BRINP1: variants seen among roughly 807,000 people sequenced by gnomAD.
BRINP1 encodes BMP/retinoic acid-inducible neural-specific protein 1.
BRINP1 carries 17 observed loss-of-function variants against 72.9 expected under a neutral mutation model. That is an observed-to-expected ratio of 0.23 (90% CI 0.16 to 0.35). The LOEUF (loss-of-function observed/expected upper bound fraction) is 0.35. BRINP1 is among the 10% of genes least tolerant of loss of function. The pLI is 1.00. For synonymous variants in BRINP1, 418 were observed against 378.5 expected (o/e 1.10, Z -1.21); for missense variants, 850 against 1,001.6 (o/e 0.85, Z 2.04).
intron 7 of BRINP1, among the ~76,000 whole-genome samples, chr9:119,176,040 T>A (rs1000659055): frequency 3.3e-5 from 5 of 152,178 alleles, no homozygotes; most frequent in African/African-American, 1.2e-4. Context: ...TTATATGAAT[T>A]TTTATGTGAA....
At chr9:119,218,664 G>A (rs1490552209) in intron 5 of BRINP1, among the ~76,000 whole-genome samples, 3 of 151,810 alleles carry the variant, frequency 2.0e-5, no homozygotes, top group Non-Finnish European at 4.4e-5. Flanking sequence ...CACACTCGAG[G>A]GTGACCTGGC....
At chr9:119,245,506 T>C (rs1588175893) in intron 3 of BRINP1, among the ~76,000 whole-genome samples, 1 of 152,272 alleles carries the variant, frequency 6.6e-6, no homozygotes, top group East Asian at 1.9e-4. Flanking sequence ...TCTATGCCTG[T>C]TTTCTTGTGT....
At chr9:119,168,883 G>A (rs1430059129) in intron 7 of BRINP1, among the ~76,000 whole-genome samples, 1 of 152,196 alleles carries the variant, frequency 6.6e-6, no homozygotes, top group Non-Finnish European at 1.5e-5. Context: ...CACTGTTGAT[G>A]TGAGTATAAG....
At chr9:119,229,314 C>T (rs1399495327) in intron 5 of BRINP1, among the ~76,000 whole-genome samples, 1 of 152,054 alleles carries the variant, frequency 6.6e-6, no homozygotes, top group Non-Finnish European at 1.5e-5. Context: ...TAATACCTAA[C>T]TTTTTTTAAT....
Position 119,332,738 on chromosome 9 carries a change from C to T in BRINP1, c.-50-19333G>A, listed in dbSNP as rs1019049304. On this transcript the variant is annotated intron_variant, in intron 1 of 7. Coordinates refer to ENST00000265922, the MANE Select transcript of BRINP1 (RefSeq NM_014618.3). ...TAGAGTAGAGCACCCCCCTTCCCCA[C>T]TGAACTGCAGGAGCAAGAGCAGCCC... Among the ~76,000 whole-genome samples, 7 of 152,294 alleles carry T rather than the reference C, an allele frequency of 4.6e-5. No individual in the cohort carries two copies. In the East Asian group the frequency reaches 7.7e-4, roughly 17 times the overall value.
intron 7 of BRINP1, among the ~76,000 whole-genome samples, chr9:119,169,775 T>G (rs1829378391): frequency 6.6e-6 from 1 of 152,202 alleles, no homozygotes; most frequent in Non-Finnish European, 1.5e-5. Context: ...AGCATGCAGC[T>G]GGAGATCTGA....
intron 1 of BRINP1, among the ~76,000 whole-genome samples, chr9:119,334,115 T>C (rs1027988153): frequency 1.3e-5 from 2 of 152,124 alleles, no homozygotes; most frequent in African/African-American, 4.8e-5. Flanking sequence ...CAGGAGGTAG[T>C]TAGATGAATG....
chr9:119,362,588 C>G (rs903272415), intron 1 of BRINP1, among the ~76,000 whole-genome samples: 1 of 152,190 alleles, frequency 6.6e-6, no homozygotes, highest in Admixed American at 6.5e-5. Flanking sequence ...ACAAGATATG[C>G]AATAAATATT....
chr9:119,231,189 T>C (rs1830146314), intron 5 of BRINP1, among the ~76,000 whole-genome samples: 1 of 152,084 alleles, frequency 6.6e-6, no homozygotes, highest in South Asian at 2.1e-4. Flanking sequence ...AAATCTATGA[T>C]AGGCAATCAA....
Position 119,355,656 on chromosome 9 carries a change from G to A in BRINP1, c.-51+13400C>T, listed in dbSNP as rs1853678. On this transcript the variant is annotated intron_variant, in intron 1 of 7. Transcript: ENST00000265922. ...AGGCAGGAGAATGGTGTGAACCTGG[G>A]AGGCGGAGCTTGCAGTGAGCTGAGA... 2.6e-5 allele frequency among the ~76,000 whole-genome samples: 4 copies of A among 151,240 alleles called. No homozygotes were observed. In the East Asian group the frequency reaches 5.8e-4, roughly 22 times the overall value.
chr9:119,237,346 CATTATT>C (rs34106507), intron 5 of BRINP1, among the ~76,000 whole-genome samples: 16,586 of 144,962 alleles, frequency 0.11, 1,218 homozygotes, highest in Admixed American at 0.24. Context: ...TTTCTTGCTA[CATTATT>C]ATTATTATTA....
chr9:119,252,147 C>T (rs549509194), intron 2 of BRINP1, among the ~76,000 whole-genome samples: 12 of 152,126 alleles, frequency 7.9e-5, no homozygotes, highest in African/African-American at 2.9e-4. Flanking sequence ...GAGACATCCA[C>T]ATGGCAAGGA....
In BRINP1 at chr9:119,168,085, C is replaced by T. The variant is rs752187321; in HGVS notation, c.1285G>A (p.Val429Met). The change falls in exon 8 of 8, where the codon GTG (valine) becomes ATG (methionine). Residue 429 changes from valine (V) to methionine (M), a missense_variant. Val to Met is a conservative substitution (Grantham distance 21). Coordinates refer to ENST00000265922, the MANE Select transcript of BRINP1 (RefSeq NM_014618.3). ...TTLCQRPIPC[V>M]IGGNNSCAMC... The stretch of plus-strand genomic sequence containing the variant: ...GCGCAGCTGTTGTTCCCGCCTATCA[C>T]GCAGGGGATGGGGCGCTGGCACAGC... 2.4e-5 allele frequency: 38 copies of T among 1,610,358 alleles called. No individual in the cohort carries two copies. Among genetic ancestry groups the T allele is most frequent in the Admixed American group, 3.4e-5 (2 of 59,590 alleles).
Position 119,208,792 on chromosome 9 carries a change from G to C in BRINP1, c.1072C>G (p.Arg358Gly). 1 of 1,614,194 alleles carries C rather than the reference G, an allele frequency of 6.2e-7. No individual in the cohort carries two copies. The highest frequency in any genetic ancestry group is 1.1e-5 in the South Asian group (1 of 91,076). The change falls in exon 7 of 8, where the codon CGC becomes GGC. Residue 358 changes from arginine (R) to glycine (G), a missense_variant. Coordinates refer to ENST00000265922, the MANE Select transcript of BRINP1 (RefSeq NM_014618.3). ...ATEAQRQKIQ[R>G]TARKLFGLSV... Reference sequence around the variant, plus strand: ...AGGCCGAAAAGCTTGCGGGCAGTGCGTTGGATCTTTTGTCTCTGTGCCTCC... The same window carrying C: ...AGGCCGAAAAGCTTGCGGGCAGTGCCTTGGATCTTTTGTCTCTGTGCCTCC...
chr9:119,318,842 G>GTGT (rs372831278), intron 1 of BRINP1, among the ~76,000 whole-genome samples: 13 of 53,862 alleles, frequency 2.4e-4, no homozygotes, highest in African/African-American at 5.6e-4. Flanking sequence ...AGAAATGTGT[G>GTGT]GGGTGTGTGT....
chr9:119,208,791 C>T lies in BRINP1; in HGVS notation c.1073G>A (p.Arg358His), dbSNP rs17476783. ...GAGGCCGAAAAGCTTGCGGGCAGTG[C>T]GTTGGATCTTTTGTCTCTGTGCCTC... ...ATEAQRQKIQ[R>H]TARKLFGLSV... is the part of the protein sequence containing the mutation. Residue 358 changes from arginine to histidine, a missense_variant, in exon 7 of 8, where the codon CGC (arginine) becomes CAC (histidine). Arg to His is a conservative substitution (Grantham distance 29, BLOSUM62 0). Coordinates refer to ENST00000265922, the MANE Select transcript of BRINP1 (RefSeq NM_014618.3). 39,022 of 1,614,110 alleles carry T rather than the reference C, an allele frequency of 0.024. 586 individuals carry two copies. Among genetic ancestry groups the T allele is most frequent in the Non-Finnish European group, 0.03 (35,151 of 1,180,020 alleles).
intron 5 of BRINP1, among the ~76,000 whole-genome samples, chr9:119,220,147 G>C (rs1830024965): frequency 6.6e-6 from 1 of 152,158 alleles, no homozygotes; most frequent in African/African-American, 2.4e-5. Context: ...ATTTCTTATA[G>C]TACAAGAAAG....
chr9:119,213,848 C>T, intron 6 of BRINP1, 71 bp downstream of exon 6: 1 of 1,352,600 alleles, frequency 7.4e-7, no homozygotes, highest in Non-Finnish European at 1.1e-6. Flanking sequence ...GTCCTAATTC[C>T]AGTTAGATTA....
At chr9:119,283,253 G>GCTGCCT in intron 2 of BRINP1, 6 of 871,450 alleles carry the variant, frequency 6.9e-6, no homozygotes, top group Non-Finnish European at 8.3e-6. Context: ...AGCTGCCTCA[G>GCTGCCT]CATCACCTGG....
Sources: gnomAD v4.1 joint callset for allele counts (sites outside exome capture counted in the v4.1 genomes callset) on GRCh38, gnomAD v4.1.1 for gene constraint, MANE v1.5 for transcripts, NCBI Gene and HGNC (gene_info 2026-07-23, HGNC 2026-07-21) for gene names.